The following ITGBL1 variants were observed in gnomAD, a reference collection of about 807,000 sequenced individuals.
The protein encoded by ITGBL1 is integrin beta-like protein 1.
ITGBL1 carries 51 observed loss-of-function variants against 68.5 expected under a neutral mutation model. That is an observed-to-expected ratio of 0.74 (90% confidence interval 0.59 to 0.94). ITGBL1 has a LOEUF of 0.94. Among genes scored for constraint, ITGBL1 ranks in the 40% least tolerant of loss-of-function variants. The probability of loss-of-function intolerance (pLI) is 0.00; values close to 1 mark genes in which losing one functional copy is unlikely to be tolerated. For missense variants in ITGBL1, 649 were observed against 647.4 expected (o/e 1.00, Z -0.03); for synonymous variants, 209 against 227.3 (o/e 0.92, Z 0.72).
At chr13:101,557,430 T>A (rs2050025856) in intron 2 of ITGBL1, among the ~76,000 whole-genome samples, 1 of 152,216 alleles carries the variant, frequency 6.6e-6, no homozygotes, top group Non-Finnish European at 1.5e-5. Flanking sequence ...ACCAGATTCC[T>A]TGTGCCCCTG....
At chr13:101,650,396 C>T (rs1305111533) in intron 7 of ITGBL1, among the ~76,000 whole-genome samples, 1 of 151,530 alleles carries the variant, frequency 6.6e-6, no homozygotes, top group Non-Finnish European at 1.5e-5. Flanking sequence ...TATATATTTT[C>T]CCAGTATCTT....
chr13:101,594,527 A>AT (rs142790368), intron 6 of ITGBL1, among the ~76,000 whole-genome samples: 16,946 of 151,568 alleles, frequency 0.11, 1,335 homozygotes, highest in African/African-American at 0.23. Flanking sequence ...CTTAGCAATG[A>AT]TTTTTTTTTG....
At chr13:101,681,745 A>G (rs2033648273) in intron 7 of ITGBL1, among the ~76,000 whole-genome samples, 1 of 151,988 alleles carries the variant, frequency 6.6e-6, no homozygotes, top group African/African-American at 2.4e-5. Context: ...TCCAAGAAGA[A>G]AAGAAAAACC....
chr13:101,606,093 A>G (rs1027633995), intron 7 of ITGBL1, among the ~76,000 whole-genome samples: 2 of 135,262 alleles, frequency 1.5e-5, no homozygotes, highest in African/African-American at 5.4e-5. Flanking sequence ...CTATATATAT[A>G]TATATGCTCT....
chr13:101,456,772 G>A (rs1191401765), intron 2 of ITGBL1, among the ~76,000 whole-genome samples: 1 of 152,136 alleles, frequency 6.6e-6, no homozygotes, highest in East Asian at 1.9e-4. Flanking sequence ...AAAATTAGCT[G>A]GGCTTGGTGG....
At chr13:101,601,158 CT>C (rs2030350880) in intron 7 of ITGBL1, among the ~76,000 whole-genome samples, 1 of 152,102 alleles carries the variant, frequency 6.6e-6, no homozygotes, top group Admixed American at 6.6e-5. Flanking sequence ...CTGGTTTAGT[CT>C]TGGGAGAGTG....
At chr13:101,554,785 C>T (rs1353663652) in intron 2 of ITGBL1, among the ~76,000 whole-genome samples, 1 of 152,192 alleles carries the variant, frequency 6.6e-6, no homozygotes. Flanking sequence ...GAGTGCCACA[C>T]AATTCATAGC....
chr13:101,490,046 C>A, intron 2 of ITGBL1: 1 of 1,159,374 alleles, frequency 8.6e-7, no homozygotes. Context: ...TTGTTATGGA[C>A]TGAATATTTG....
intron 7 of ITGBL1, among the ~76,000 whole-genome samples, chr13:101,661,920 C>T (rs188305525): frequency 9.2e-5 from 14 of 152,248 alleles, no homozygotes; most frequent in Admixed American, 8.5e-4. Context: ...CATAATACAT[C>T]ATGGGCAAGT....
intron 7 of ITGBL1, among the ~76,000 whole-genome samples, chr13:101,670,182 C>A (rs2033322552): frequency 6.6e-6 from 1 of 152,118 alleles, no homozygotes; most frequent in South Asian, 2.1e-4. Flanking sequence ...TTTTTAAGAG[C>A]CACATATTAC....
chr13:101,604,856 A>ATG (rs2030603327), intron 7 of ITGBL1, among the ~76,000 whole-genome samples: 1 of 13,314 alleles, frequency 7.5e-5, no homozygotes, highest in Non-Finnish European at 1.9e-4. Context: ...ATATATATAT[A>ATG]TATATATATA....
chr13:101,484,002 C>A (rs1486732799), intron 2 of ITGBL1, among the ~76,000 whole-genome samples: 1 of 151,952 alleles, frequency 6.6e-6, no homozygotes, highest in Non-Finnish European at 1.5e-5. Flanking sequence ...CTCTGTGGAA[C>A]TTCGTCATGA....
chr13:101,550,018 T>C (rs532128214), intron 2 of ITGBL1, among the ~76,000 whole-genome samples: 20 of 152,144 alleles, frequency 1.3e-4, no homozygotes, highest in Non-Finnish European at 2.2e-4. Context: ...CAAAAACTAG[T>C]TAGTTAATAA....
intron 2 of ITGBL1, among the ~76,000 whole-genome samples, chr13:101,454,380 G>A (rs2048210140): frequency 8.3e-6 from 1 of 120,786 alleles, no homozygotes; most frequent in Admixed American, 9.3e-5. Context: ...TTGGGATCTT[G>A]CTATGTTGCC....
rs35919129 is a variant in ITGBL1 at position 101,526,659 on chromosome 13, A to ATGTGTGTGTGTGTGTG, written c.317-41028_317-41013dup. ...TCTGAAAAATCAGCATTGAAGTTATATGTGTGTGTGTGTGTGTGTGTGTGT... is the reference window on the plus strand; with the variant it reads ...TCTGAAAAATCAGCATTGAAGTTATATGTGTGTGTGTGTGTGTGTGTGTGTGTGTGTGTGTGTGTGT... On this transcript the variant is annotated intron_variant, in intron 2 of 10. Coordinates refer to ENST00000376180, the MANE Select transcript of ITGBL1 (RefSeq NM_004791.3). Among the ~76,000 whole-genome samples the ATGTGTGTGTGTGTGTG allele has an allele frequency of 7.1e-3, 1,066 of 149,392 alleles. 3 individuals are homozygous for ATGTGTGTGTGTGTGTG. Among genetic ancestry groups the ATGTGTGTGTGTGTGTG allele is most frequent in the Non-Finnish European group, 0.013 (853 of 67,274 alleles).
Position 101,630,468 on chromosome 13 carries a change from C to T in ITGBL1, c.1015+32169C>T, listed in dbSNP as rs368680403. Among the ~76,000 whole-genome samples, 25 of 152,198 alleles carry T rather than the reference C, an allele frequency of 1.6e-4. 1 individual carries two copies. The highest frequency in any genetic ancestry group is 4.1e-4 in the African/African-American group (17 of 41,532). On this transcript the variant is annotated intron_variant, in intron 7 of 10. Coordinates refer to ENST00000376180, the MANE Select transcript of ITGBL1 (RefSeq NM_004791.3). ...TGATGTGAATCTCTTAATTGATCTACCCACAGAGCATGGTAAGTTGTTTCT... is the reference window on the plus strand; with the variant it reads ...TGATGTGAATCTCTTAATTGATCTATCCACAGAGCATGGTAAGTTGTTTCT...
chr13:101,719,198 T>C (rs901153412), downstream of ITGBL1: 17 of 152,166 alleles, frequency 1.1e-4, no homozygotes, highest in African/African-American at 3.9e-4. Flanking sequence ...GAATAAGTTT[T>C]TGGTTTTTGC....
chr13:101,662,663 T>G (rs1464382108), intron 7 of ITGBL1, among the ~76,000 whole-genome samples: 1 of 152,078 alleles, frequency 6.6e-6, no homozygotes, highest in Non-Finnish European at 1.5e-5. Context: ...CTTATTAAAG[T>G]GGAATATTTC....
intron 7 of ITGBL1, among the ~76,000 whole-genome samples, chr13:101,619,935 CT>C (rs2031517885): frequency 6.6e-6 from 1 of 152,106 alleles, no homozygotes. Flanking sequence ...CAAAGCACAA[CT>C]TTATAGCTTA....
Sources: gnomAD v4.1 joint callset for allele counts (sites outside exome capture counted in the v4.1 genomes callset) on GRCh38, gnomAD v4.1.1 for gene constraint, MANE v1.5 for transcripts, NCBI Gene and HGNC (gene_info 2026-07-23, HGNC 2026-07-21) for gene names.